The following PLA2G5 variants were observed in gnomAD, a reference collection of about 807,000 sequenced individuals.
PLA2G5 encodes the protein phospholipase A2 group V.
PLA2G5 carries 12 observed loss-of-function variants against 15.9 expected under a neutral mutation model. That is an observed-to-expected ratio of 0.76 (90% CI 0.48 to 1.23). The LOEUF (loss-of-function observed/expected upper bound fraction) is 1.23. Ranked by LOEUF, PLA2G5 falls within the 50% of genes most tolerant of loss-of-function variation. The pLI is 0.00. For missense variants in PLA2G5, 169 were observed against 177.1 expected (o/e 0.95, Z 0.26); for synonymous variants, 71 against 71.4 (o/e 0.99, Z 0.03).
At chr1:20,056,085 C>T (rs1359431550) in intron 1 of PLA2G5, among the ~76,000 whole-genome samples, 2 of 152,182 alleles carry the variant, frequency 1.3e-5, no homozygotes, top group Non-Finnish European at 2.9e-5. Context: ...TTCCCTTTCC[C>T]TCTTTCCCCT....
intron 1 of PLA2G5, 48 bp from the exon 2 acceptor site, chr1:20,084,773 G>A (rs752431958): frequency 1.9e-5 from 25 of 1,302,734 alleles, no homozygotes; most frequent in Middle Eastern, 1.9e-4. Context: ...AATGGGCCAC[G>A]GGGGCATTGC....
intron 2 of PLA2G5, among the ~76,000 whole-genome samples, chr1:20,085,453 C>T (rs770872079): frequency 1.3e-5 from 2 of 152,128 alleles, no homozygotes; most frequent in Non-Finnish European, 1.5e-5. Flanking sequence ...CTTGGGCTCA[C>T]TGTGAAACCC....
intron 1 of PLA2G5, among the ~76,000 whole-genome samples, chr1:20,078,041 G>C (rs2015781910): frequency 6.6e-6 from 1 of 152,132 alleles, no homozygotes. Context: ...ACCTGCATTT[G>C]GGGGGCCAGC....
intron 1 of PLA2G5, among the ~76,000 whole-genome samples, chr1:20,059,219 G>T (rs1171728822): frequency 1.3e-5 from 2 of 151,744 alleles, no homozygotes; most frequent in African/African-American, 2.4e-5. Context: ...GATCGCTTGA[G>T]CTCAGAAGTT....
chr1:20,089,935 C>G, intron 4 of PLA2G5, 40 bp downstream of exon 4: 1 of 1,452,012 alleles, frequency 6.9e-7, no homozygotes, highest in Non-Finnish European at 9.6e-7. Flanking sequence ...TGGAAGAGCA[C>G]CTGACTTTAA....
chr1:20,055,525 G>A (rs932098668), intron 1 of PLA2G5, among the ~76,000 whole-genome samples: 1 of 152,158 alleles, frequency 6.6e-6, no homozygotes, highest in African/African-American at 2.4e-5. Context: ...ACCACCTGAT[G>A]TTTGGCTGCA....
At chr1:20,042,194 A>G (rs2013637171) in intron 1 of PLA2G5, among the ~76,000 whole-genome samples, 1 of 152,160 alleles carries the variant, frequency 6.6e-6, no homozygotes, top group Non-Finnish European at 1.5e-5. Context: ...TGGGGACAGA[A>G]TGGTAGCCTC....
chr1:20,040,686 G>A lies in PLA2G5; in HGVS notation n.276+11977G>A, dbSNP rs1017338891. On this transcript the variant is annotated intron_variant and non_coding_transcript_variant, in intron 1 of 6. Transcript: ENST00000460175. ...AATCCAAGATATCAACAAGTATTTT[G>A]TAAAAGGAAAATAAATCTTGAGGCC... Among the ~76,000 whole-genome samples, 17 of 152,062 alleles carry A rather than the reference G, an allele frequency of 1.1e-4. 1 individual carries two copies. The highest frequency in any genetic ancestry group is 4.1e-4 in the African/African-American group (17 of 41,486).
chr1:20,068,484 C>T (rs1166492170), upstream of PLA2G5, among the ~76,000 whole-genome samples: 1 of 136,416 alleles, frequency 7.3e-6, no homozygotes, highest in Non-Finnish European at 1.5e-5. Flanking sequence ...TGGGATCTTA[C>T]TCTGTTGCCC....
intron 1 of PLA2G5, among the ~76,000 whole-genome samples, chr1:20,049,430 G>T (rs1211196249): frequency 2.0e-5 from 3 of 148,930 alleles, no homozygotes; most frequent in Non-Finnish European, 4.4e-5. Flanking sequence ...AATTATAAGA[G>T]CTTTTAATTT....
At chr1:20,046,462 C>A (rs1406432297) in intron 1 of PLA2G5, among the ~76,000 whole-genome samples, 4 of 152,184 alleles carry the variant, frequency 2.6e-5, no homozygotes, top group Admixed American at 1.3e-4. Context: ...AAAAAAAGTT[C>A]TTTTACTTTT....
intron 2 of PLA2G5, among the ~76,000 whole-genome samples, chr1:20,061,060 C>A (rs1403823802): frequency 6.6e-6 from 1 of 152,144 alleles, no homozygotes; most frequent in Non-Finnish European, 1.5e-5. Context: ...ACTGGATGGC[C>A]CTTCATGGAC....
intron 1 of PLA2G5, among the ~76,000 whole-genome samples, chr1:20,048,301 G>C (rs1019552041): frequency 6.6e-6 from 1 of 152,028 alleles, no homozygotes; most frequent in Admixed American, 6.6e-5. Context: ...AATGTCTTAA[G>C]AATTTCCAGC....
intron 2 of PLA2G5, among the ~76,000 whole-genome samples, chr1:20,061,804 T>C (rs1055405108): frequency 5.3e-5 from 8 of 152,244 alleles, no homozygotes; most frequent in Non-Finnish European, 1.2e-4. Flanking sequence ...TTTGTATTTG[T>C]GTATCTTATC....
At chr1:20,078,409 A>G (rs2015815459) in intron 1 of PLA2G5, among the ~76,000 whole-genome samples, 1 of 151,814 alleles carries the variant, frequency 6.6e-6, no homozygotes, top group Non-Finnish European at 1.5e-5. Context: ...AGAATGGCGG[A>G]GCAGGTGTGT....
chr1:20,066,058 A>G (rs765533963), upstream of PLA2G5: 3 of 152,236 alleles, frequency 2.0e-5, no homozygotes, highest in Non-Finnish European at 4.4e-5. Context: ...CTGGCATTGA[A>G]TGAGAGTCCC....
At chr1:20,077,078 G>A (rs1168124668) in intron 1 of PLA2G5, among the ~76,000 whole-genome samples, 1 of 152,256 alleles carries the variant, frequency 6.6e-6, no homozygotes, top group Non-Finnish European at 1.5e-5. Flanking sequence ...GTGTTTATGT[G>A]ATGTTTAATT....
chr1:20,070,244 T>C lies in PLA2G5; in HGVS notation c.-232T>C. On this transcript the variant is annotated 5_prime_UTR_variant, in exon 1 of 5. Coordinates refer to ENST00000375108, the MANE Select transcript of PLA2G5 (RefSeq NM_000929.3). ...CCGGCTGGGTCCAGGCAGAAGTTTTTCCTCCCCACCTCCGGGTTTGTCCTC... is the reference window on the plus strand; with the variant it reads ...CCGGCTGGGTCCAGGCAGAAGTTTTCCCTCCCCACCTCCGGGTTTGTCCTC... The C allele has an allele frequency of 1.0e-6, 1 of 985,566 alleles. No homozygotes were observed. The highest frequency in any genetic ancestry group is 1.2e-6 in the Non-Finnish European group (1 of 830,062). The allele number at this position is 985,566 out of a possible 1,614,324, so 61.1% of individuals were successfully genotyped here.
rs940855162 is a variant in PLA2G5 at position 20,061,845 on chromosome 1, T to TG, written n.337+2158dup. On this transcript the variant is annotated intron_variant and non_coding_transcript_variant, in intron 2 of 6. Coordinates refer to the PLA2G5 transcript ENST00000460175. Reference sequence around the variant, plus strand: ...CCCAAACAAGGGGCTTCTCAAAGCCTGGGGGTCTCTAAGGATAGAGGCTAA... The same window carrying TG: ...CCCAAACAAGGGGCTTCTCAAAGCCTGGGGGGTCTCTAAGGATAGAGGCTAA... Among the ~76,000 whole-genome samples, 5 of 152,340 alleles carry TG rather than the reference T, an allele frequency of 3.3e-5. No homozygotes were observed. The East Asian group carries it at 9.7e-4, about 29-fold the overall frequency.
Sources: gnomAD v4.1 joint callset for allele counts (sites outside exome capture counted in the v4.1 genomes callset) on GRCh38, gnomAD v4.1.1 for gene constraint, MANE v1.5 for transcripts, NCBI Gene and HGNC (gene_info 2026-07-23, HGNC 2026-07-21) for gene names.